Variants in MCRIP2 observed in about 807,000 individuals in gnomAD.
MCRIP2 encodes the protein MAPK regulated corepressor interacting protein 2.
MCRIP2 carries 21 observed loss-of-function variants against 23.2 expected under a neutral mutation model. The observed-to-expected ratio is 0.90, with a 90% CI of 0.64 to 1.30. MCRIP2 has a LOEUF of 1.30. Among genes scored for constraint, MCRIP2 ranks in the 50% most tolerant of loss-of-function variants. The pLI, the probability that MCRIP2 is intolerant of heterozygous loss-of-function variation, is 0.00. For synonymous variants in MCRIP2, 121 were observed against 100.2 expected, an observed-to-expected ratio of 1.21 and a Z score of -1.24; for missense variants, 234 against 223.2, an observed-to-expected ratio of 1.05 and a Z score of -0.31.
chr16:642,205 G>A lies in MCRIP2; in HGVS notation c.138G>A (p.Arg46=), dbSNP rs2037360891. 2.3e-6 allele frequency: 3 copies of A among 1,300,414 alleles called. No individual in the cohort carries two copies. The East Asian group carries it at 1.0e-4, about 45-fold the overall frequency. The allele number at this position is 1,300,414 out of a possible 1,614,324, so 80.6% of individuals were successfully genotyped here. The change falls in exon 2 of 5, where the codon CGG becomes CGA. Residue 46 remains arginine (R), a synonymous_variant. Coordinates refer to ENST00000307650, the MANE Select transcript of MCRIP2 (RefSeq NM_138418.4). ...QPAPPTSQPP[R]AQPFAQPPGP... ...CGCCGCCGACCTCGCAGCCCCCGCG[G>A]GCGCAGCCCTTTGCGCAGCCGCCGG...
At position 646,317 on chromosome 16, in the gene MCRIP2, G is replaced by T. The variant is rs1333649361; in HGVS notation, c.183-1100G>T. ...GGACAAACTTTATTCCCTGTGGTTT[G>T]TGCAGAAACTCAGGCAGCGGGCAGG... is the stretch of plus-strand genomic sequence containing the variant. On this transcript the variant is annotated intron_variant, in intron 2 of 4. Transcript: ENST00000307650. This position sits in a 1 kb window ranked among gnomAD's most constrained non-coding sequence, Gnocchi z 6.5. 1 of 152,198 alleles carries T rather than the reference G, an allele frequency of 6.6e-6. No individual in the cohort carries two copies. Among genetic ancestry groups the T allele is most frequent in the Non-Finnish European group, 1.5e-5 (1 of 68,032 alleles). The allele number at this position is 152,198 out of a possible 1,614,324, so 9.4% of individuals were successfully genotyped here. A position where few individuals can be genotyped will look rare whatever the true frequency, so the allele number is the denominator to read the frequency against.
intron 2 of MCRIP2, among the ~76,000 whole-genome samples, chr16:643,717 T>C (rs1023864146): frequency 6.6e-6 from 1 of 151,924 alleles, no homozygotes; most frequent in Non-Finnish European, 1.5e-5. Flanking sequence ...GCTAATTTTA[T>C]ATTTTTGTAT....
At chr16:645,184 C>G (rs2037448634) in intron 2 of MCRIP2, 1 of 152,024 alleles carries the variant, frequency 6.6e-6, no homozygotes, top group African/African-American at 2.4e-5. Flanking sequence ...TGGTCTCGAT[C>G]TCCTGACCTC....
intron 2 of MCRIP2, among the ~76,000 whole-genome samples, chr16:643,494 C>A (rs1481810398): frequency 6.6e-6 from 1 of 151,374 alleles, no homozygotes; most frequent in Non-Finnish European, 1.5e-5. Flanking sequence ...CTCCATGGGA[C>A]CCCAAGGGTC....
chr16:641,844 C>T lies in MCRIP2; in HGVS notation c.-148C>T. 1.5e-6 allele frequency: 1 copy of T among 674,870 alleles called. No homozygotes were observed. Among genetic ancestry groups the T allele is most frequent in the Non-Finnish European group, 2.1e-6 (1 of 487,226 alleles). 41.8% of individuals were successfully genotyped at this position (674,870 alleles called of 1,614,324 possible). On this transcript the variant is annotated 5_prime_UTR_variant, in exon 1 of 5. Coordinates refer to ENST00000307650, the MANE Select transcript of MCRIP2 (RefSeq NM_138418.4). ...GCCGCCTCCGCCGCGTGTCCGGGGT[C>T]AGCCCGAGCCCGTGCGGGCCCTTTA...
intron 2 of MCRIP2, chr16:647,215 G>T (rs1375712783): frequency 3.1e-6 from 2 of 636,242 alleles, no homozygotes; most frequent in East Asian, 5.5e-5. Flanking sequence ...GCAGGTGTGA[G>T]CTGAGCTGCC....
At chr16:647,615 C>T (rs2151108562) in intron 3 of MCRIP2, 71 bp downstream of exon 3, 16 of 1,586,966 alleles carry the variant, frequency 1.0e-5, no homozygotes, top group African/African-American at 1.3e-5. Flanking sequence ...GATGGCCCCA[C>T]TTCAAGCTGA....
chr16:648,259 A>G lies in MCRIP2; in HGVS notation c.*69A>G, dbSNP rs2037558119. 6.8e-7 allele frequency: 1 copy of G among 1,466,096 alleles called. No individual in the cohort carries two copies. The highest frequency in any genetic ancestry group is 1.9e-5 in the Admixed American group (1 of 51,984). 90.8% of individuals were successfully genotyped at this position (1,466,096 alleles called of 1,614,324 possible). ...AGGAGAGAAGCATGGCGCCCTGCCC[A>G]CCCACTGCGCCTGGCTGGGTGCCGG... On this transcript the variant is annotated 3_prime_UTR_variant, in exon 5 of 5. Transcript: ENST00000307650.
chr16:642,279 G>GGCCCGGCTTCCCCTCCCCC (rs2037364892), intron 2 of MCRIP2, 30 bp downstream of exon 2: 1 of 1,155,622 alleles, frequency 8.7e-7, no homozygotes, highest in African/African-American at 1.6e-5. Flanking sequence ...GGCCCGGCCC[G>GGCCCGGCTTCCCCTCCCCC]GCCCGGCTTC....
intron 2 of MCRIP2, 47 bp from the exon 3 acceptor site, chr16:647,370 G>A (rs146753874): frequency 2.1e-5 from 33 of 1,604,864 alleles, no homozygotes; most frequent in African/African-American, 5.3e-5. Flanking sequence ...AGGCAGCACC[G>A]CACCTGGGAT....
intron 2 of MCRIP2, among the ~76,000 whole-genome samples, chr16:643,500 G>C (rs1180798451): frequency 6.6e-6 from 1 of 151,708 alleles, no homozygotes; most frequent in Non-Finnish European, 1.5e-5. Flanking sequence ...GGGACCCCAA[G>C]GGTCCCAGTG....
rs1377771075 is a variant in MCRIP2 at position 643,561 on chromosome 16, T to G, written c.182+1312T>G. Among the ~76,000 whole-genome samples, 15 of 147,372 alleles carry G rather than the reference T, an allele frequency of 1.0e-4. No individual in the cohort carries two copies. The South Asian group carries it at 1.8e-3, about 17-fold the overall frequency. ...GTCTCTTTTTTTTTTTTTTTTTTTT[T>G]GGAGACAGAGTCTCCATCTGTCGCC... On this transcript the variant is annotated intron_variant, in intron 2 of 4. Coordinates refer to ENST00000307650, the MANE Select transcript of MCRIP2 (RefSeq NM_138418.4).
At chr16:642,379 C>T (rs2151098756) in intron 2 of MCRIP2, 130 bp downstream of exon 2, 1 of 951,442 alleles carries the variant, frequency 1.1e-6, no homozygotes, top group Non-Finnish European at 1.3e-6. Context: ...GGCGGGCGCT[C>T]CGGGCGCGGG....
At position 647,890 on chromosome 16, in the gene MCRIP2, C is replaced by A; in HGVS notation, c.412+6C>A. The A allele has an allele frequency of 9.1e-7, 1 of 1,100,270 alleles. No homozygotes were observed. The highest frequency in any genetic ancestry group is 5.2e-5 in the East Asian group (1 of 19,064). 68.2% of individuals were successfully genotyped at this position (1,100,270 alleles called of 1,614,324 possible). On this transcript the variant is annotated splice_donor_region_variant and intron_variant, in intron 4 of 4. Coordinates refer to ENST00000307650, the MANE Select transcript of MCRIP2 (RefSeq NM_138418.4). The stretch of plus-strand genomic sequence containing the variant: ...CCCCAATCCCCGGCTGCAGAGTGAG[C>A]CCCCCAACCCTGTCCCCCCAGGAGA...
chr16:648,207 G>T lies in MCRIP2; in HGVS notation c.*17G>T. The T allele has an allele frequency of 6.2e-7, 1 of 1,602,292 alleles. No individual in the cohort carries two copies. Among genetic ancestry groups the T allele is most frequent in the South Asian group, 1.1e-5 (1 of 89,550 alleles). On this transcript the variant is annotated 3_prime_UTR_variant, in exon 5 of 5. Transcript: ENST00000307650. ...TGTTCCTAGTGGCTGCTGGGAGGGGGCGCTGCTACACGGCCGACCTGTCGC... is the reference window on the plus strand; with the variant it reads ...TGTTCCTAGTGGCTGCTGGGAGGGGTCGCTGCTACACGGCCGACCTGTCGC...
In MCRIP2 at chr16:648,269, C is replaced by T. The variant is rs1340447568; in HGVS notation, c.*79C>T. The T allele has an allele frequency of 2.1e-6, 3 of 1,395,392 alleles. No homozygotes were observed. Among genetic ancestry groups the T allele is most frequent in the Non-Finnish European group, 9.9e-7 (1 of 1,009,300 alleles). 86.4% of individuals were successfully genotyped at this position (1,395,392 alleles called of 1,614,324 possible). ...CATGGCGCCCTGCCCACCCACTGCG[C>T]CTGGCTGGGTGCCGGCCACACCTGA... On this transcript the variant is annotated 3_prime_UTR_variant, in exon 5 of 5. Coordinates refer to ENST00000307650, the MANE Select transcript of MCRIP2 (RefSeq NM_138418.4).
chr16:642,155 G>A lies in MCRIP2; in HGVS notation c.88G>A (p.Glu30Lys). ...TQQQVEGRLGELLKCRQPAPP... is the reference protein window; with the variant it reads ...TQQQVEGRLGKLLKCRQPAPP... The stretch of plus-strand genomic sequence containing the variant: ...GCAGCAGGTGGAGGGCCGGCTCGGC[G>A]AGCTCCTGAAATGCCGGCAGCCCGC... The change falls in exon 2 of 5, where the codon GAG becomes AAG. Residue 30 changes from glutamate (E) to lysine (K), a missense_variant. Physicochemically the swap from Glu to Lys is moderately conservative, Grantham distance 56 (BLOSUM62 1). Transcript: ENST00000307650. 2.9e-6 allele frequency: 4 copies of A among 1,362,712 alleles called. No homozygotes were observed. Among genetic ancestry groups the A allele is most frequent in the Non-Finnish European group, 3.8e-6 (4 of 1,054,712 alleles). 84.4% of individuals were successfully genotyped at this position (1,362,712 alleles called of 1,614,324 possible).
At chr16:642,423 G>A (rs568047256) in intron 2 of MCRIP2, 174 bp downstream of exon 2, 389 of 503,664 alleles carry the variant, frequency 7.7e-4, no homozygotes, top group African/African-American at 7.6e-3. Flanking sequence ...CGCGCCCGCG[G>A]GCCTGCGCCT....
intron 2 of MCRIP2, 37 bp downstream of exon 2, chr16:642,286 C>T: frequency 8.7e-7 from 1 of 1,151,266 alleles, no homozygotes. Context: ...CCCGGCCCGG[C>T]TTCCCCTCCC....
Sources: allele counts gnomAD v4.1 joint callset (sites outside exome capture counted in the v4.1 genomes callset), GRCh38; gene constraint gnomAD v4.1.1; non-coding constraint Gnocchi (gnomAD v3.1); transcripts MANE v1.5; gene names NCBI Gene and HGNC (gene_info 2026-07-23, HGNC 2026-07-21).